The following FBXO25 variants were observed in gnomAD, a reference collection of about 807,000 sequenced individuals.
The protein encoded by FBXO25 is F-box protein 25, also known as F-box only protein 25.
In FBXO25, 45 loss-of-function variants were observed where a neutral mutation model predicts 51.9. That is an observed-to-expected ratio of 0.87 (90% CI 0.68 to 1.11). FBXO25 has a LOEUF of 1.11. Among genes scored for constraint, FBXO25 ranks in the 50% most tolerant of loss-of-function variants. FBXO25 has a pLI of 0.00. For synonymous variants in FBXO25, 199 were observed against 151.0 expected, an observed-to-expected ratio of 1.32 and a Z score of -2.33; for missense variants, 507 against 428.5, an observed-to-expected ratio of 1.18 and a Z score of -1.62.
chr8:414,372 C>G (rs1217653998), intron 2 of FBXO25, among the ~76,000 whole-genome samples: 8 of 152,108 alleles, frequency 5.3e-5, no homozygotes, highest in Non-Finnish European at 8.8e-5. Flanking sequence ...AGATGGTTGA[C>G]TATATCTAGA....
chr8:434,172 C>T (rs1797971941), intron 4 of FBXO25, among the ~76,000 whole-genome samples: 1 of 152,190 alleles, frequency 6.6e-6, no homozygotes, highest in Admixed American at 6.5e-5. Context: ...CACGTCATGT[C>T]TCCATACCCT....
rs1372415541 is a variant in FBXO25 at position 477,640 on chromosome 8, T to TAAAG, written c.*8838_*8841dup. 1 of 152,258 alleles carries TAAAG rather than the reference T, an allele frequency of 6.6e-6. No individual in the cohort carries two copies. The highest frequency in any genetic ancestry group is 1.5e-5 in the Non-Finnish European group (1 of 68,054). 9.4% of individuals were successfully genotyped at this position (152,258 alleles called of 1,614,324 possible). A position where few individuals can be genotyped will look rare whatever the true frequency, so the allele number is the denominator to read the frequency against. On this transcript the variant is annotated 3_prime_UTR_variant, in exon 10 of 10. Coordinates refer to ENST00000350302, the MANE Select transcript of FBXO25 (RefSeq NM_183420.2). Reference sequence around the variant, plus strand: ...GTGAAGCAGGGCTTGGAGCAGATGGTAAAGATTGTTGGCTTTTCCAGCCAT... The same window carrying TAAAG: ...GTGAAGCAGGGCTTGGAGCAGATGGTAAAGAAAGATTGTTGGCTTTTCCAGCCAT...
intron 5 of FBXO25, among the ~76,000 whole-genome samples, chr8:442,639 T>G (rs566836929): frequency 4.7e-4 from 71 of 152,030 alleles, no homozygotes; most frequent in African/African-American, 1.5e-3. Context: ...CTGGCTAATT[T>G]TTGTAATTTT....
At chr8:432,666 A>G (rs1185398866) in intron 3 of FBXO25, among the ~76,000 whole-genome samples, 1 of 152,168 alleles carries the variant, frequency 6.6e-6, no homozygotes, top group East Asian at 1.9e-4. Context: ...ATTTTCTTCT[A>G]AGTTACTAGG....
chr8:414,653 T>G (rs1223136181), intron 2 of FBXO25, among the ~76,000 whole-genome samples: 1 of 152,228 alleles, frequency 6.6e-6, no homozygotes, highest in East Asian at 1.9e-4. Context: ...AGATATGTTT[T>G]CTTTGCATAA....
intron 1 of FBXO25, chr8:407,418 G>T: frequency 1.0e-6 from 1 of 984,944 alleles, no homozygotes; most frequent in Non-Finnish European, 1.2e-6. Context: ...GCGTCAGGTG[G>T]GGTCTGGGGG....
Position 474,689 on chromosome 8 carries a change from G to C in FBXO25, c.*5885G>C, listed in dbSNP as rs748287797. 7 of 453,246 alleles carry C rather than the reference G, an allele frequency of 1.5e-5. No individual in the cohort carries two copies. The highest frequency in any genetic ancestry group is 3.2e-5 in the South Asian group (2 of 63,386). The allele number at this position is 453,246 out of a possible 1,614,324, so 28.1% of individuals were successfully genotyped here. On this transcript the variant is annotated 3_prime_UTR_variant, in exon 10 of 10. Transcript: ENST00000350302. ...GTCGTCTTTGGAGAAATGTCTATTTGGGCTCTTTGTCCATTTTTCAATCAG... is the reference window on the plus strand; with the variant it reads ...GTCGTCTTTGGAGAAATGTCTATTTCGGCTCTTTGTCCATTTTTCAATCAG...
In FBXO25 at chr8:413,736, G is replaced by T. The variant is rs59594514; in HGVS notation, c.134+523G>T. ...CATTTGCGCTCAGGCCGAAGGGTAG[G>T]TGGGGTTGGTGAGACACGACCTGTG... On this transcript the variant is annotated intron_variant, in intron 2 of 9. Coordinates refer to ENST00000350302, the MANE Select transcript of FBXO25 (RefSeq NM_183420.2). 6.9e-3 allele frequency among the ~76,000 whole-genome samples: 1,053 copies of T among 152,328 alleles called. 10 individuals are homozygous for T. The highest frequency in any genetic ancestry group is 0.024 in the African/African-American group (1,012 of 41,574).
chr8:445,363 A>C (rs551036286), intron 5 of FBXO25, among the ~76,000 whole-genome samples: 14 of 152,204 alleles, frequency 9.2e-5, no homozygotes, highest in Non-Finnish European at 2.1e-4. Context: ...CTCCCAGGGA[A>C]CACATATTCT....
chr8:451,584 A>C (rs1470771064), intron 7 of FBXO25, 131 bp downstream of exon 7: 1 of 908,188 alleles, frequency 1.1e-6, no homozygotes, highest in Non-Finnish European at 1.6e-6. Flanking sequence ...GTATTCATTA[A>C]ATTGTTTTAA....
At chr8:440,882 C>G (rs889575247) in intron 5 of FBXO25, among the ~76,000 whole-genome samples, 1 of 143,654 alleles carries the variant, frequency 7.0e-6, no homozygotes, top group African/African-American at 2.6e-5. Flanking sequence ...ATAATGGTTT[C>G]CAGTTTCATC....
chr8:428,145 C>G (rs996591587), intron 2 of FBXO25, among the ~76,000 whole-genome samples: 3 of 151,974 alleles, frequency 2.0e-5, no homozygotes, highest in African/African-American at 7.2e-5. Context: ...CTTCTCTATT[C>G]TCTTCTCTTC....
intron 2 of FBXO25, among the ~76,000 whole-genome samples, chr8:425,873 T>G (rs1483805873): frequency 6.6e-6 from 1 of 150,768 alleles, no homozygotes; most frequent in African/African-American, 2.5e-5. Flanking sequence ...TTTTGGTATT[T>G]AGGAGGGCTT....
intron 9 of FBXO25, 71 bp from the exon 10 acceptor site, chr8:468,644 C>A (rs911370303): frequency 2.5e-6 from 3 of 1,187,100 alleles, no homozygotes; most frequent in East Asian, 2.4e-5. Flanking sequence ...AGCTGACGAC[C>A]CCTCAAGCAC....
At chr8:414,333 AT>A (rs1412397768) in intron 2 of FBXO25, among the ~76,000 whole-genome samples, 1 of 152,154 alleles carries the variant, frequency 6.6e-6, no homozygotes, top group East Asian at 1.9e-4. Flanking sequence ...CTATCTTATA[AT>A]TTTTATGGCA....
intron 1 of FBXO25, among the ~76,000 whole-genome samples, chr8:408,184 T>C (rs544132519): frequency 2.0e-4 from 30 of 152,342 alleles, no homozygotes; most frequent in African/African-American, 6.0e-4. Flanking sequence ...TCCACACTTA[T>C]AAGCAAAACA....
intron 5 of FBXO25, among the ~76,000 whole-genome samples, chr8:437,790 A>G (rs1798190732): frequency 6.6e-6 from 1 of 150,858 alleles, no homozygotes; most frequent in Non-Finnish European, 1.5e-5. Context: ...CATACTGTGC[A>G]GGTATTTGGT....
At chr8:457,673 C>T (rs1337903442) in intron 7 of FBXO25, among the ~76,000 whole-genome samples, 3 of 152,218 alleles carry the variant, frequency 2.0e-5, no homozygotes, top group Admixed American at 6.5e-5. Flanking sequence ...AAGAGTAGAT[C>T]TTACATGTTC....
rs575266302 is a variant in FBXO25 at position 467,769 on chromosome 8, A to G, written c.988-946A>G. 5.7e-5 allele frequency: 92 copies of G among 1,613,608 alleles called. 1 individual carries two copies. In the South Asian group the frequency reaches 1.0e-3, roughly 18 times the overall value. ...AAGGTACTTCCCTGTCTTGCCACAC[A>G]TCCTGTGTTCGGGATGAAAACGTTG... On this transcript the variant is annotated intron_variant, in intron 9 of 9. Coordinates refer to ENST00000350302, the MANE Select transcript of FBXO25 (RefSeq NM_183420.2).
Sources: gnomAD v4.1 joint callset for allele counts (sites outside exome capture counted in the v4.1 genomes callset) on GRCh38, gnomAD v4.1.1 for gene constraint, MANE v1.5 for transcripts, NCBI Gene and HGNC (gene_info 2026-07-23, HGNC 2026-07-21) for gene names.